Variants in KLHL29 observed in about 807,000 individuals in gnomAD.
KLHL29 encodes kelch like family member 29.
In KLHL29, 21 loss-of-function variants were observed where a neutral mutation model predicts 80.4. That is an observed-to-expected ratio of 0.26 (90% CI 0.19 to 0.38). The LOEUF (loss-of-function observed/expected upper bound fraction) is 0.38. Ranked by LOEUF, KLHL29 falls within the 10% of genes least tolerant of loss-of-function variation. The pLI is 1.00. For synonymous variants in KLHL29, 511 were observed against 526.8 expected (o/e 0.97, Z 0.41); for missense variants, 867 against 1,223.9 (o/e 0.71, Z 4.35).
intron 2 of KLHL29, among the ~76,000 whole-genome samples, chr2:23,538,336 G>A (rs1275462533): frequency 6.6e-6 from 1 of 152,186 alleles, no homozygotes; most frequent in Non-Finnish European, 1.5e-5. Flanking sequence ...CACTTTTAAG[G>A]AAGCCAGATG....
chr2:23,421,752 ATGTG>A (rs1323045808), intron 1 of KLHL29, among the ~76,000 whole-genome samples: 14 of 141,274 alleles, frequency 9.9e-5, no homozygotes, highest in Admixed American at 7.1e-5. Flanking sequence ...GTGTGTGTTC[ATGTG>A]TGTGTGTGTG....
intron 5 of KLHL29, among the ~76,000 whole-genome samples, chr2:23,649,017 G>A (rs565305168): frequency 2.0e-5 from 3 of 152,348 alleles, no homozygotes; most frequent in South Asian, 4.1e-4. Flanking sequence ...TGCCTGGCAC[G>A]TAGTAGGCTC....
intron 2 of KLHL29, among the ~76,000 whole-genome samples, chr2:23,529,116 AT>A (rs1002568886): frequency 6.6e-6 from 1 of 152,174 alleles, no homozygotes; most frequent in South Asian, 2.1e-4. Flanking sequence ...CTTTTTACTA[AT>A]TTTTTTTAGA....
chr2:23,473,716 A>G (rs1051943925), intron 1 of KLHL29, among the ~76,000 whole-genome samples: 4 of 152,198 alleles, frequency 2.6e-5, no homozygotes, highest in Non-Finnish European at 5.9e-5. Context: ...ATTGGGAGCC[A>G]CTTCTAAAGA....
At chr2:23,533,115 A>C (rs1290123365) in intron 2 of KLHL29, among the ~76,000 whole-genome samples, 1 of 152,102 alleles carries the variant, frequency 6.6e-6, no homozygotes, top group Non-Finnish European at 1.5e-5. Flanking sequence ...TTTCCTGAGC[A>C]CGTAAAGTGG....
intron 4 of KLHL29, 46 bp from the exon 5 acceptor site, chr2:23,642,292 A>G: frequency 7.2e-7 from 1 of 1,392,366 alleles, no homozygotes; most frequent in South Asian, 2.0e-5. Context: ...TGTTTGTTGA[A>G]TGAAAATGTA....
Position 23,622,008 on chromosome 2 carries a change from C to T in KLHL29, c.286-17131C>T, listed in dbSNP as rs545882377. On this transcript the variant is annotated intron_variant, in intron 3 of 13. Coordinates refer to ENST00000486442, the MANE Select transcript of KLHL29 (RefSeq NM_052920.2). ...GGTCCAAAAGGCAGGTGCACAGTGG[C>T]CCCCACATTCATCCCCTTGGGATGT... is the stretch of plus-strand genomic sequence containing the variant. Among the ~76,000 whole-genome samples, 553 of 152,298 alleles carry T rather than the reference C, an allele frequency of 3.6e-3. 2 individuals carry two copies. Among genetic ancestry groups the T allele is most frequent in the Middle Eastern group, 6.8e-3 (2 of 294 alleles).
Position 23,706,529 on chromosome 2 carries a change from C to T in KLHL29, c.2493C>T (p.Ser831=), listed in dbSNP as rs549264619. ...TTTATGCAACTGGAGGTATTGTCAG[C>T]AGTGAAGGGCCCGCGCTGGGCAACA... The part of the protein sequence containing the change: ...GKIYATGGIV[S]SEGPALGNME... The change falls in exon 14 of 14, where the codon AGC becomes AGT. Residue 831 remains serine (S), a synonymous_variant. Transcript: ENST00000486442. 2 of 1,536,078 alleles carry T rather than the reference C, an allele frequency of 1.3e-6. No individual in the cohort carries two copies. Among genetic ancestry groups the T allele is most frequent in the East Asian group, 2.4e-5 (1 of 40,884 alleles).
intron 1 of KLHL29, among the ~76,000 whole-genome samples, chr2:23,422,972 C>T (rs1572500768): frequency 6.6e-6 from 1 of 152,240 alleles, no homozygotes; most frequent in South Asian, 2.1e-4. Flanking sequence ...CATTTATGCC[C>T]CTATTGCTTA....
At chr2:23,427,058 C>G (rs1663023839) in intron 1 of KLHL29, among the ~76,000 whole-genome samples, 1 of 152,214 alleles carries the variant, frequency 6.6e-6, no homozygotes. Flanking sequence ...TCTGGCATTT[C>G]ATATCCCAGG....
intron 3 of KLHL29, among the ~76,000 whole-genome samples, chr2:23,585,994 C>T (rs1668108783): frequency 6.6e-6 from 1 of 152,024 alleles, no homozygotes; most frequent in Admixed American, 6.6e-5. Context: ...TTTTTCATTC[C>T]CAATGTTTAA....
At chr2:23,561,101 G>A (rs552511077) in intron 2 of KLHL29, among the ~76,000 whole-genome samples, 67 of 152,324 alleles carry the variant, frequency 4.4e-4, no homozygotes, top group Admixed American at 3.4e-3. Context: ...GCCCAGGGCT[G>A]TGGGTGTGAT....
At chr2:23,580,559 T>C (rs113296012) in intron 3 of KLHL29, among the ~76,000 whole-genome samples, 129 of 44,332 alleles carry the variant, frequency 2.9e-3, no homozygotes, top group Middle Eastern at 0.019. Flanking sequence ...CCTGTAGTCC[T>C]AGCTACTCAG....
chr2:23,466,618 T>TAA (rs1664361332), intron 1 of KLHL29, among the ~76,000 whole-genome samples: 1 of 152,228 alleles, frequency 6.6e-6, no homozygotes, highest in African/African-American at 2.4e-5. Flanking sequence ...GTATGTGCAG[T>TAA]TACCTGTGTT....
chr2:23,653,936 G>T (rs577326944), intron 5 of KLHL29, among the ~76,000 whole-genome samples: 1 of 152,268 alleles, frequency 6.6e-6, no homozygotes, highest in Non-Finnish European at 1.5e-5. Context: ...GGAGGCTGAG[G>T]CGGGTAGATC....
chr2:23,695,935 A>G lies in KLHL29; in HGVS notation c.1742-16A>G, dbSNP rs779174501. On this transcript the variant is annotated splice_polypyrimidine_tract_variant and intron_variant, in intron 9 of 13. Transcript: ENST00000486442. The surrounding 1 kb of genome is among the most constrained non-coding windows in gnomAD (Gnocchi z 7.6). ...CTTAGAGTGTGTCCCAAGGGCGCCCATCCATGTCCCTGCAGGTGTGGCTGA... is the reference window on the plus strand; with the variant it reads ...CTTAGAGTGTGTCCCAAGGGCGCCCGTCCATGTCCCTGCAGGTGTGGCTGA... 1.9e-6 allele frequency: 3 copies of G among 1,550,160 alleles called. No individual in the cohort carries two copies. The highest frequency in any genetic ancestry group is 1.2e-5 in the South Asian group (1 of 83,870).
At position 23,475,550 on chromosome 2, in the gene KLHL29, C is replaced by T. The variant is rs1303868900; in HGVS notation, c.-153-10C>T. On this transcript the variant is annotated splice_polypyrimidine_tract_variant and intron_variant, in intron 1 of 13. Coordinates refer to ENST00000486442, the MANE Select transcript of KLHL29 (RefSeq NM_052920.2). ...CACCCCTACCCCACTGTTTTTCCCT[C>T]TCTTTCTAGACTATCTGGCTTCCTG... 1.2e-5 allele frequency: 2 copies of T among 166,634 alleles called. No individual in the cohort carries two copies. Among genetic ancestry groups the T allele is most frequent in the African/African-American group, 4.8e-5 (2 of 41,324 alleles). The allele number at this position is 166,634 out of a possible 1,614,324, so 10.3% of individuals were successfully genotyped here.
Position 23,706,845 on chromosome 2 carries a change from A to C in KLHL29, c.*181A>C. The C allele has an allele frequency of 1.9e-6, 1 of 531,058 alleles. No homozygotes were observed. The allele number at this position is 531,058 out of a possible 1,614,324, so 32.9% of individuals were successfully genotyped here. A position where few individuals can be genotyped will look rare whatever the true frequency, so the allele number is the denominator to read the frequency against. Reference sequence around the variant, plus strand: ...GAAAATCATCCTCGCCTTTGGATGAAACGGAGGCACCGCGCTTGGAGCCGC... The same window carrying C: ...GAAAATCATCCTCGCCTTTGGATGACACGGAGGCACCGCGCTTGGAGCCGC... On this transcript the variant is annotated 3_prime_UTR_variant, in exon 14 of 14. Transcript: ENST00000486442.
At chr2:23,509,462 G>A (rs1056966536) in intron 2 of KLHL29, among the ~76,000 whole-genome samples, 5 of 151,930 alleles carry the variant, frequency 3.3e-5, no homozygotes, top group African/African-American at 1.2e-4. Flanking sequence ...GGACAGGGGC[G>A]GATGGTATAT....
Sources: allele counts gnomAD v4.1 joint callset (sites outside exome capture counted in the v4.1 genomes callset), GRCh38; gene constraint gnomAD v4.1.1; non-coding constraint Gnocchi (gnomAD v3.1); transcripts MANE v1.5; gene names NCBI Gene and HGNC (gene_info 2026-07-23, HGNC 2026-07-21).